MON2: variants seen among roughly 807,000 people sequenced by gnomAD.
MON2 encodes MON2 regulator of endosome-to-Golgi trafficking, also known as protein MON2 homolog.
MON2 carries 84 observed loss-of-function variants against 208.6 expected under a neutral mutation model. The ratio of observed to expected loss-of-function variants is 0.40; its 90% CI spans 0.34 to 0.48. The LOEUF is 0.48. MON2 is among the 20% of genes least tolerant of loss of function. The pLI is 0.59. For synonymous variants in MON2, 660 were observed against 694.0 expected (o/e 0.95, Z 0.77); for missense variants, 1,611 against 2,015.4 (o/e 0.80, Z 3.84).
intron 29 of MON2, among the ~76,000 whole-genome samples, chr12:62,568,605 C>T (rs894622022): frequency 1.3e-5 from 2 of 152,152 alleles, no homozygotes; most frequent in Non-Finnish European, 2.9e-5. Flanking sequence ...TCCCAAAGCA[C>T]TAGGATTGTA....
Position 62,525,931 on chromosome 12 carries a change from T to C in MON2, c.1247-18T>C, listed in dbSNP as rs1183515848. 1.4e-5 allele frequency: 22 copies of C among 1,605,808 alleles called. No homozygotes were observed. Among genetic ancestry groups the C allele is most frequent in the Non-Finnish European group, 1.9e-5 (22 of 1,176,650 alleles). ...AGTAAATTAGTGTCTTTTCTTTTTT[T>C]CCCTTCTTCTCTAACAGGAAACAAT... On this transcript the variant is annotated intron_variant, in intron 10 of 34. Transcript: ENST00000393630.
chr12:62,516,874 C>T (rs1219963058), intron 8 of MON2, among the ~76,000 whole-genome samples: 1 of 151,674 alleles, frequency 6.6e-6, no homozygotes, highest in Non-Finnish European at 1.5e-5. Context: ...ACTATATACT[C>T]ATAAAAATTA....
Position 62,557,947 on chromosome 12 carries a change from TATATATATATATATA to T in MON2, c.3409+1756_3409+1770del, listed in dbSNP as rs1274895705. On this transcript the variant is annotated intron_variant, in intron 25 of 34. Coordinates refer to ENST00000393630, the MANE Select transcript of MON2 (RefSeq NM_015026.3). Reference sequence around the variant, plus strand: ...ATAGATTTATATATATATATATATATATATATATATATATATTTTTTTTTTTTTTTTTTTTTTTTT... The same window carrying T: ...ATAGATTTATATATATATATATATATTTTTTTTTTTTTTTTTTTTTTTTTT... Among the ~76,000 whole-genome samples the T allele has an allele frequency of 4.4e-3, 189 of 43,316 alleles. 6 individuals carry two copies. Among genetic ancestry groups the T allele is most frequent in the African/African-American group, 0.011 (87 of 8,016 alleles). The allele number at this position is 43,316 out of a possible 152,430, so 28.4% of individuals were successfully genotyped here.
intron 30 of MON2, among the ~76,000 whole-genome samples, chr12:62,576,993 T>G (rs1473647832): frequency 6.6e-6 from 1 of 151,786 alleles, no homozygotes; most frequent in Non-Finnish European, 1.5e-5. Context: ...ATATACACAC[T>G]AATAATATTA....
chr12:62,579,793 G>T (rs566057087), intron 31 of MON2, among the ~76,000 whole-genome samples: 1 of 152,258 alleles, frequency 6.6e-6, no homozygotes, highest in East Asian at 1.9e-4. Context: ...ACAAAATATT[G>T]CCTTTCGTGC....
At chr12:62,515,761 A>G (rs1322095195) in intron 8 of MON2, among the ~76,000 whole-genome samples, 1 of 151,194 alleles carries the variant, frequency 6.6e-6, no homozygotes, top group Non-Finnish European at 1.5e-5. Context: ...GTTGCAGTGA[A>G]CCGAGATCAC....
intron 2 of MON2, among the ~76,000 whole-genome samples, chr12:62,491,425 T>C (rs1191359020): frequency 3.3e-5 from 5 of 152,216 alleles, no homozygotes; most frequent in Non-Finnish European, 7.3e-5. Context: ...TATGGGTATG[T>C]CTTAAAATCA....
chr12:62,531,551 A>G (rs1379832195), intron 11 of MON2, among the ~76,000 whole-genome samples: 1 of 152,158 alleles, frequency 6.6e-6, no homozygotes, highest in Non-Finnish European at 1.5e-5. Context: ...ACTACCTGCC[A>G]TGATTTAAAA....
chr12:62,485,138 C>A (rs2069691648), intron 2 of MON2, among the ~76,000 whole-genome samples: 2 of 152,226 alleles, frequency 1.3e-5, no homozygotes, highest in South Asian at 4.2e-4. Context: ...CAGTGTGCTA[C>A]CATGGTATCA....
Position 62,466,951 on chromosome 12 carries a change from G to T in MON2, c.-257G>T, listed in dbSNP as rs2068545533. ...GGCAGCGGAGGGACCTGCCCGCCTT[G>T]TGGGTTTCTCGGCCAGAGTCGGCGG... On this transcript the variant is annotated 5_prime_UTR_variant, in exon 1 of 35. Transcript: ENST00000393630. 1 of 522,654 alleles carries T rather than the reference G, an allele frequency of 1.9e-6. No individual in the cohort carries two copies. The allele number at this position is 522,654 out of a possible 1,614,324, so 32.4% of individuals were successfully genotyped here.
chr12:62,474,036 T>A (rs548237256), intron 1 of MON2, among the ~76,000 whole-genome samples: 6 of 152,208 alleles, frequency 3.9e-5, no homozygotes, highest in Admixed American at 3.9e-4. Context: ...TGAGTGTAGA[T>A]CTGCATTTCC....
At chr12:62,525,761 G>A (rs977858306) in intron 10 of MON2, among the ~76,000 whole-genome samples, 188 bp from the exon 11 acceptor site, 3 of 152,154 alleles carry the variant, frequency 2.0e-5, no homozygotes, top group Admixed American at 2.0e-4. Context: ...AAGGGAAATG[G>A]TATTTTAGGG....
intron 1 of MON2, among the ~76,000 whole-genome samples, chr12:62,475,308 C>T (rs911414116): frequency 2.6e-5 from 4 of 152,000 alleles, no homozygotes; most frequent in Non-Finnish European, 5.9e-5. Context: ...GTAATCTTGG[C>T]TCACTGCAAC....
At chr12:62,501,488 GA>G (rs1196385571) in intron 6 of MON2, 84 bp from the exon 7 acceptor site, 4 of 1,494,536 alleles carry the variant, frequency 2.7e-6, no homozygotes, top group Admixed American at 4.0e-5. Context: ...TAAGAAGATA[GA>G]TTTTTTTTAA....
Position 62,508,480 on chromosome 12 carries a change from G to A in MON2, c.984G>A (p.Leu328=). 6.2e-7 allele frequency: 1 copy of A among 1,612,452 alleles called. No individual in the cohort carries two copies. ...TGATTAAGCAGTTTTACAGTCTTTT[G>A]GTAAGTGCTAATTTCCTTATGTATT... ...SVLIKQFYSL[L]VTECEIFLSL... Residue 328 remains leucine (L), a splice_region_variant and synonymous_variant, in exon 8 of 35, where the codon TTG becomes TTA. Transcript: ENST00000393630.
intron 32 of MON2, 129 bp downstream of exon 32, chr12:62,580,549 T>C (rs2074966928): frequency 1.4e-6 from 1 of 720,866 alleles, no homozygotes; most frequent in Non-Finnish European, 2.2e-6. Flanking sequence ...AGGATTGTAA[T>C]ATAGAACTAA....
chr12:62,481,508 TC>T (rs2069436440), intron 1 of MON2, among the ~76,000 whole-genome samples: 1 of 99,858 alleles, frequency 1.0e-5, no homozygotes, highest in South Asian at 3.3e-4. Flanking sequence ...AGAGCGAGAC[TC>T]CGTCTCAAAA....
At chr12:62,476,756 C>G (rs10877856) in intron 1 of MON2, among the ~76,000 whole-genome samples, 17,384 of 152,150 alleles carry the variant, frequency 0.11, 1,275 homozygotes, top group Middle Eastern at 0.25. Context: ...TTCTTTAGCT[C>G]TTGTTTCATG....
At chr12:62,471,651 AAG>A (rs1165271809) in intron 1 of MON2, among the ~76,000 whole-genome samples, 1 of 152,188 alleles carries the variant, frequency 6.6e-6, no homozygotes, top group Admixed American at 6.5e-5. Context: ...ATGGGCCAGG[AAG>A]AGTGTGTGTA....
Sources: allele counts gnomAD v4.1 joint callset (sites outside exome capture counted in the v4.1 genomes callset), GRCh38; gene constraint gnomAD v4.1.1; transcripts MANE v1.5; gene names NCBI Gene and HGNC (gene_info 2026-07-23, HGNC 2026-07-21).